Variants in PTPRT observed in about 807,000 individuals in gnomAD.
PTPRT encodes the protein protein tyrosine phosphatase receptor type T, also known as receptor-type tyrosine-protein phosphatase T.
PTPRT carries 56 observed loss-of-function variants against 176.8 expected under a neutral mutation model. The observed-to-expected ratio is 0.32, with a 90% confidence interval of 0.26 to 0.40. The LOEUF is 0.40. Ranked by LOEUF, PTPRT falls within the 10% of genes least tolerant of loss-of-function variation. The probability of loss-of-function intolerance (pLI) is 1.00; values close to 1 mark genes in which losing one functional copy is unlikely to be tolerated. For missense variants in PTPRT, 1,540 were observed against 1,908.2 expected (o/e 0.81, Z 3.60); for synonymous variants, 783 against 739.0 (o/e 1.06, Z -0.96).
chr20:42,688,948 G>C (rs1358885192), intron 6 of PTPRT, among the ~76,000 whole-genome samples: 1 of 152,210 alleles, frequency 6.6e-6, no homozygotes, highest in East Asian at 1.9e-4. Flanking sequence ...AAACCAATGA[G>C]CTATAGAAGA....
At chr20:42,107,287 A>G (rs1395135556) in intron 23 of PTPRT, among the ~76,000 whole-genome samples, 1 of 152,186 alleles carries the variant, frequency 6.6e-6, no homozygotes, top group African/African-American at 2.4e-5. Flanking sequence ...GAGAGAGAAC[A>G]GAGGGGAGAT....
At chr20:43,054,646 C>T (rs369152597) in intron 1 of PTPRT, among the ~76,000 whole-genome samples, 1 of 150,398 alleles carries the variant, frequency 6.6e-6, no homozygotes, top group African/African-American at 2.4e-5. Flanking sequence ...TCCTTCATTT[C>T]TATTTTCTGG....
intron 14 of PTPRT, among the ~76,000 whole-genome samples, chr20:42,246,417 C>CA (rs1310878327): frequency 1.3e-5 from 2 of 152,172 alleles, no homozygotes; most frequent in African/African-American, 4.8e-5. Flanking sequence ...TAGCACCCCA[C>CA]AACATGCAAT....
intron 1 of PTPRT, among the ~76,000 whole-genome samples, chr20:43,140,780 G>GGC (rs1296427068): frequency 1.1e-4 from 16 of 152,176 alleles, no homozygotes; most frequent in Admixed American, 3.9e-4. Flanking sequence ...CAGAGCCACT[G>GGC]TGTGTGAAAT....
chr20:42,263,620 C>A (rs1315848505), intron 13 of PTPRT, among the ~76,000 whole-genome samples: 1 of 151,276 alleles, frequency 6.6e-6, no homozygotes, highest in East Asian at 1.9e-4. Context: ...ACCTCATGAT[C>A]CGCCCACCTT....
In PTPRT at chr20:42,098,528, C is replaced by G. The variant is rs761148007; in HGVS notation, c.3739G>C (p.Val1247Leu). The G allele has an allele frequency of 1.7e-5, 27 of 1,614,018 alleles. No individual in the cohort carries two copies. Among genetic ancestry groups the G allele is most frequent in the Admixed American group, 1.0e-4 (6 of 59,994 alleles). ...TTGGGTAGAGGGTGCTGGGTGACCA[C>G]GAAGGCGGCAGGCTGCTTGTGGCTC... ...MDSHKQPAAF[V>L]VTQHPLPNTV... Residue 1247 changes from valine to leucine, a missense_variant, in exon 27 of 31, where the codon GTG (valine) becomes CTG (leucine). Coordinates refer to ENST00000373187, the MANE Select transcript of PTPRT (RefSeq NM_007050.6).
intron 7 of PTPRT, among the ~76,000 whole-genome samples, chr20:42,627,483 G>A (rs144347658): frequency 2.0e-5 from 3 of 151,998 alleles, no homozygotes; most frequent in Non-Finnish European, 4.4e-5. Context: ...TGTTACCTAG[G>A]TTGGTCTTGA....
chr20:42,164,656 T>G (rs1268172678), intron 16 of PTPRT, among the ~76,000 whole-genome samples: 1 of 152,212 alleles, frequency 6.6e-6, no homozygotes, highest in Non-Finnish European at 1.5e-5. Flanking sequence ...TTAGGTTTAA[T>G]GAAAACCCAA....
chr20:42,392,263 CT>C (rs2058807182), intron 9 of PTPRT, among the ~76,000 whole-genome samples: 1 of 152,132 alleles, frequency 6.6e-6, no homozygotes, highest in African/African-American at 2.4e-5. Flanking sequence ...TCTTTGTTTC[CT>C]CCCTCTATTC....
intron 7 of PTPRT, among the ~76,000 whole-genome samples, chr20:42,664,028 C>G (rs1237951723): frequency 1.3e-5 from 2 of 152,170 alleles, no homozygotes; most frequent in Non-Finnish European, 2.9e-5. Context: ...AACTTACCTG[C>G]AGAAATGCCT....
chr20:42,945,048 T>A (rs1980791439), intron 1 of PTPRT, among the ~76,000 whole-genome samples: 2 of 149,358 alleles, frequency 1.3e-5, no homozygotes, highest in South Asian at 4.2e-4. Flanking sequence ...GTGTGTGTGT[T>A]ATATAGTATT....
At chr20:43,056,762 A>C (rs1323022020) in intron 1 of PTPRT, among the ~76,000 whole-genome samples, 1 of 152,190 alleles carries the variant, frequency 6.6e-6, no homozygotes, top group African/African-American at 2.4e-5. Context: ...TAACAAATCA[A>C]ATAATAAAAA....
chr20:42,646,793 C>G (rs1349829990), intron 7 of PTPRT, among the ~76,000 whole-genome samples: 1 of 151,702 alleles, frequency 6.6e-6, no homozygotes, highest in Non-Finnish European at 1.5e-5. Context: ...CACATCCCTC[C>G]CTCCTCAACA....
intron 7 of PTPRT, among the ~76,000 whole-genome samples, chr20:42,643,557 T>C (rs2145939789): frequency 6.6e-6 from 1 of 151,314 alleles, no homozygotes; most frequent in South Asian, 2.1e-4. Flanking sequence ...GCTCAAGCAA[T>C]CCTCCCAACT....
chr20:42,639,965 G>A (rs1004471336), intron 7 of PTPRT, among the ~76,000 whole-genome samples: 1 of 152,044 alleles, frequency 6.6e-6, no homozygotes, highest in African/African-American at 2.4e-5. Context: ...ATGAAGCTGG[G>A]AATTTTAACC....
chr20:43,041,160 G>C (rs1986590266), intron 1 of PTPRT, among the ~76,000 whole-genome samples: 1 of 152,180 alleles, frequency 6.6e-6, no homozygotes, highest in Admixed American at 6.5e-5. Flanking sequence ...CTAAGACTCG[G>C]AGAGCTTAAA....
At chr20:42,754,798 T>A (rs1440358058) in intron 6 of PTPRT, among the ~76,000 whole-genome samples, 1 of 152,226 alleles carries the variant, frequency 6.6e-6, no homozygotes, top group Non-Finnish European at 1.5e-5. Flanking sequence ...CAATAATTCA[T>A]TCACTCTTCT....
intron 1 of PTPRT, among the ~76,000 whole-genome samples, chr20:42,991,303 G>C (rs1412477346): frequency 1.3e-5 from 2 of 152,040 alleles, no homozygotes; most frequent in African/African-American, 4.8e-5. Context: ...AAGGCACTAG[G>C]ATAGTAAGTA....
At chr20:43,031,347 A>T (rs1306012016) in intron 1 of PTPRT, among the ~76,000 whole-genome samples, 1 of 152,180 alleles carries the variant, frequency 6.6e-6, no homozygotes, top group Non-Finnish European at 1.5e-5. Context: ...ACACGGAACA[A>T]CAACTTGCCT....
Sources: gnomAD v4.1 joint callset for allele counts (sites outside exome capture counted in the v4.1 genomes callset) on GRCh38, gnomAD v4.1.1 for gene constraint, MANE v1.5 for transcripts, NCBI Gene and HGNC (gene_info 2026-07-23, HGNC 2026-07-21) for gene names.